Variants in DMBX1 observed in about 807,000 individuals in gnomAD.
DMBX1 encodes the protein diencephalon/mesencephalon homeobox protein 1.
In DMBX1, 7 loss-of-function variants were observed where a neutral mutation model predicts 30.4. That is an observed-to-expected ratio of 0.23 (90% CI 0.13 to 0.43). The LOEUF (loss-of-function observed/expected upper bound fraction) is 0.43, where lower values mean the gene tolerates loss of function less well. DMBX1 is among the 20% of genes least tolerant of loss of function. The pLI is 1.00. For missense variants in DMBX1, 460 were observed against 508.5 expected (o/e 0.90, Z 0.92); for synonymous variants, 222 against 214.2 (o/e 1.04, Z -0.32).
At chr1:46,494,313 G>C (rs1388826393) in intron 2 of DMBX1, among the ~76,000 whole-genome samples, 1 of 152,080 alleles carries the variant, frequency 6.6e-6, no homozygotes, top group Admixed American at 6.5e-5. Flanking sequence ...TGCCTTAAAA[G>C]AACAAAAAAT....
At position 46,507,498 on chromosome 1, in the gene DMBX1, G is replaced by C. The variant is rs1053460845; in HGVS notation, c.154+334G>C. Among the ~76,000 whole-genome samples, 7 of 152,162 alleles carry C rather than the reference G, an allele frequency of 4.6e-5. No individual in the cohort carries two copies. In the South Asian group the frequency reaches 1.4e-3, roughly 31 times the overall value. On this transcript the variant is annotated intron_variant, in intron 3 of 5. Transcript: ENST00000360032. ...GGACTAGTCCAGAGTATTATGGCTG[G>C]GAAGTAGCTGGAAGAGGCTGGAATG...
rs1227857133 is a variant in DMBX1 at position 46,510,476 on chromosome 1, A to G, written c.155A>G (p.Asp52Gly). 3 of 1,613,646 alleles carry G rather than the reference A, an allele frequency of 1.9e-6. No individual in the cohort carries two copies. In the Admixed American group the frequency reaches 5.0e-5, roughly 27 times the overall value. ...CCCTCCAACGGCTGTACATTTCAAG[A>G]CATCATCTTGGAGGCCCGTTATGGT... The part of the protein sequence containing the change: ...HALTLAERLA[D>G]IILEARYGSQ... The change falls in exon 4 of 6, where the codon GAC becomes GGC. Residue 52 changes from aspartate (D) to glycine (G), a missense_variant and splice_region_variant. Coordinates refer to ENST00000360032, the MANE Select transcript of DMBX1 (RefSeq NM_172225.2). The surrounding 1 kb of genome is among the most constrained non-coding windows in gnomAD (Gnocchi z 4.1).
In DMBX1 at chr1:46,512,545, T is replaced by G; in HGVS notation, c.*51T>G. On this transcript the variant is annotated 3_prime_UTR_variant, in exon 6 of 6. Coordinates refer to ENST00000360032, the MANE Select transcript of DMBX1 (RefSeq NM_172225.2). This position sits in a 1 kb window ranked among gnomAD's most constrained non-coding sequence, Gnocchi z 4.8. ...GGTCTTAGGTGTCCCCTCCTAGCCC[T>G]GTGGTTATCCCTAGGTGGCTCTCGA... is the stretch of plus-strand genomic sequence containing the variant. 6.4e-7 allele frequency: 1 copy of G among 1,554,850 alleles called. No individual in the cohort carries two copies. Among genetic ancestry groups the G allele is most frequent in the Non-Finnish European group, 8.7e-7 (1 of 1,148,216 alleles).
rs973438351 is a variant in DMBX1 at position 46,515,027 on chromosome 1, C to A, written c.*2533C>A. On this transcript the variant is annotated 3_prime_UTR_variant, in exon 6 of 6. Coordinates refer to ENST00000360032, the MANE Select transcript of DMBX1 (RefSeq NM_172225.2). ...GGCTAAAGACCACACCTACATGTGG[C>A]AAGCACCAAGACAGGCATTTGAGGG... 6.6e-6 allele frequency among the ~76,000 whole-genome samples: 1 copy of A among 152,030 alleles called. No homozygotes were observed. Among genetic ancestry groups the A allele is most frequent in the African/African-American group, 2.4e-5 (1 of 41,316 alleles).
At chr1:46,509,210 T>C (rs1666303033) in intron 3 of DMBX1, among the ~76,000 whole-genome samples, 1 of 152,052 alleles carries the variant, frequency 6.6e-6, no homozygotes, top group Admixed American at 6.6e-5. Flanking sequence ...GTAGCTGGGA[T>C]TACAGGGGCC....
At position 46,490,676 on chromosome 1, in the gene DMBX1, C is replaced by T. The variant is rs1207803971; in HGVS notation, c.-120C>T. Among the ~76,000 whole-genome samples, 1 of 152,270 alleles carries T rather than the reference C, an allele frequency of 6.6e-6. No homozygotes were observed. The highest frequency in any genetic ancestry group is 1.5e-5 in the Non-Finnish European group (1 of 68,046). ...TCAAACTCAGCTGCCACCAAGTGCG[C>T]CTTTTCTCTCTGGATTGCGATTCTG... is the stretch of plus-strand genomic sequence containing the variant. On this transcript the variant is annotated 5_prime_UTR_variant, in exon 2 of 6. Coordinates refer to ENST00000360032, the MANE Select transcript of DMBX1 (RefSeq NM_172225.2).
Position 46,491,873 on chromosome 1 carries a change from A to G in DMBX1, c.-13+1090A>G, listed in dbSNP as rs949933487. ...CCCTTTCTGCAAACCAGCTGTGTTT[A>G]TGTGTGTCTAGGTGTTCAGAAAAAA... On this transcript the variant is annotated intron_variant, in intron 2 of 5. Coordinates refer to ENST00000360032, the MANE Select transcript of DMBX1 (RefSeq NM_172225.2). The surrounding 1 kb of genome is among the most constrained non-coding windows in gnomAD (Gnocchi z 5.5). 2.6e-5 allele frequency among the ~76,000 whole-genome samples: 4 copies of G among 152,166 alleles called. No individual in the cohort carries two copies. The highest frequency in any genetic ancestry group is 9.7e-5 in the African/African-American group (4 of 41,448).
intron 3 of DMBX1, among the ~76,000 whole-genome samples, chr1:46,509,255 G>A (rs1353201358): frequency 6.6e-6 from 1 of 152,080 alleles, no homozygotes; most frequent in Non-Finnish European, 1.5e-5. Context: ...TGTATTTTTA[G>A]TAGTGACAGT....
chr1:46,505,697 A>G (rs61783065), intron 2 of DMBX1, among the ~76,000 whole-genome samples: 9,425 of 151,802 alleles, frequency 0.062, 343 homozygotes, highest in South Asian at 0.088. Flanking sequence ...ACATGTATAC[A>G]TATGTAACTA....
At position 46,502,596 on chromosome 1, in the gene DMBX1, C is replaced by T. The variant is rs368100141; in HGVS notation, c.-12-4403C>T. On this transcript the variant is annotated intron_variant, in intron 2 of 5. Transcript: ENST00000360032. ...AGCAGCCAAAATGAGCTTTTAAAAA[C>T]AAACCATAGGCCAGGTGTGGTGGTT... 4.1e-4 allele frequency among the ~76,000 whole-genome samples: 62 copies of T among 152,274 alleles called. 1 individual carries two copies. The South Asian group carries it at 0.011, about 27-fold the overall frequency.
chr1:46,510,097 A>G lies in DMBX1; in HGVS notation c.155-379A>G, dbSNP rs1343872798. 6.6e-6 allele frequency among the ~76,000 whole-genome samples: 1 copy of G among 152,060 alleles called. No individual in the cohort carries two copies. The highest frequency in any genetic ancestry group is 2.4e-5 in the African/African-American group (1 of 41,396). ...AATCTAAGGGCTATAGGGTCTTAGA[A>G]CTCCTGTGATATGGACTTACAGATT... On this transcript the variant is annotated intron_variant, in intron 3 of 5. Transcript: ENST00000360032. The surrounding 1 kb of genome is among the most constrained non-coding windows in gnomAD (Gnocchi z 4.1).
At chr1:46,496,576 G>A (rs931279780) in intron 2 of DMBX1, among the ~76,000 whole-genome samples, 2 of 152,182 alleles carry the variant, frequency 1.3e-5, no homozygotes, top group African/African-American at 4.8e-5. Context: ...TTAAAATCTT[G>A]GACCCAAAAG....
chr1:46,506,794 G>T (rs1163996417), intron 2 of DMBX1, among the ~76,000 whole-genome samples: 1 of 152,218 alleles, frequency 6.6e-6, no homozygotes. Flanking sequence ...CCTGCCGAGT[G>T]AATCGATGAA....
chr1:46,501,256 TTC>T (rs1666129459), intron 2 of DMBX1, among the ~76,000 whole-genome samples: 1 of 137,288 alleles, frequency 7.3e-6, no homozygotes, highest in Admixed American at 7.4e-5. Context: ...CTTTCTTTCT[TTC>T]TTTCTTTCTT....
At chr1:46,494,852 A>G (rs11211291) in intron 2 of DMBX1, among the ~76,000 whole-genome samples, 6,824 of 152,240 alleles carry the variant, frequency 0.045, 420 homozygotes, top group East Asian at 0.23. Context: ...CCCACAGCTC[A>G]TCCCCTTCCC....
In DMBX1 at chr1:46,512,282, G is replaced by A. The variant is rs1666394456; in HGVS notation, c.922G>A (p.Gly308Ser). ...CCTGGGCGTCAACATGGCCCCGCTG[G>A]GCTCACTGCACTGCCAGTCCTACTA... ...PYLGVNMAPL[G>S]SLHCQSYYQS... The change falls in exon 6 of 6, where the codon GGC (glycine) becomes AGC (serine). Residue 308 changes from glycine to serine, a missense_variant. Around this residue, in one of 3 missense-constraint regions of DMBX1, gnomAD observed 334 missense variants for 345.1 expected, o/e 0.97. Transcript: ENST00000360032. The surrounding 1 kb of genome is among the most constrained non-coding windows in gnomAD (Gnocchi z 4.8). 1 of 1,613,472 alleles carries A rather than the reference G, an allele frequency of 6.2e-7. No individual in the cohort carries two copies. The highest frequency in any genetic ancestry group is 1.7e-5 in the Admixed American group (1 of 59,984).
chr1:46,506,794 G>A (rs1163996417), intron 2 of DMBX1, among the ~76,000 whole-genome samples: 1 of 152,218 alleles, frequency 6.6e-6, no homozygotes, highest in Admixed American at 6.5e-5. Context: ...CCTGCCGAGT[G>A]AATCGATGAA....
chr1:46,511,220 G>A lies in DMBX1; in HGVS notation c.619G>A (p.Ala207Thr). 6.2e-7 allele frequency: 1 copy of A among 1,612,704 alleles called. No individual in the cohort carries two copies. Among genetic ancestry groups the A allele is most frequent in the Non-Finnish European group, 8.5e-7 (1 of 1,179,752 alleles). ...CAGGGCAGGGGCTGAGGACCCCAAAGCTGAGAAGAGCCCTGGGGCTGACAG... is the reference window on the plus strand; with the variant it reads ...CAGGGCAGGGGCTGAGGACCCCAAAACTGAGAAGAGCCCTGGGGCTGACAG... ...DPRAGAEDPK[A>T]EKSPGADSKG... Residue 207 changes from alanine to threonine, a missense_variant, in exon 5 of 6, where the codon GCT becomes ACT. Physicochemically the swap from Ala to Thr is moderately conservative, Grantham distance 58. Coordinates refer to ENST00000360032, the MANE Select transcript of DMBX1 (RefSeq NM_172225.2).
chr1:46,505,314 G>A (rs1220164990), intron 2 of DMBX1, among the ~76,000 whole-genome samples: 93 of 145,092 alleles, frequency 6.4e-4, no homozygotes, highest in African/African-American at 2.0e-3. Flanking sequence ...TGTTTACTGC[G>A]GCATTATTCA....
Sources: gnomAD v4.1 joint callset for allele counts (sites outside exome capture counted in the v4.1 genomes callset) on GRCh38, gnomAD v4.1.1 for gene constraint, gnomAD v4.1.1 regional missense constraint, Gnocchi (gnomAD v3.1) non-coding constraint, MANE v1.5 for transcripts, NCBI Gene and HGNC (gene_info 2026-07-23, HGNC 2026-07-21) for gene names.